CNTNAP5: variants seen among roughly 807,000 people sequenced by gnomAD.
CNTNAP5 encodes the protein contactin associated protein family member 5.
In CNTNAP5, 72 loss-of-function variants were observed where a neutral mutation model predicts 150.2. The observed-to-expected ratio is 0.48, with a 90% CI of 0.40 to 0.58. CNTNAP5 has a LOEUF of 0.58. Among genes scored for constraint, CNTNAP5 ranks in the 20% least tolerant of loss-of-function variants. The pLI, the probability that CNTNAP5 is intolerant of heterozygous loss-of-function variation, is 0.00. For missense variants in CNTNAP5, 1,636 were observed against 1,626.2 expected, an observed-to-expected ratio of 1.01 and a Z score of -0.10; for synonymous variants, 672 against 619.8, an observed-to-expected ratio of 1.08 and a Z score of -1.25.
chr2:124,097,399 A>C (rs1682960937), intron 1 of CNTNAP5, among the ~76,000 whole-genome samples: 1 of 152,192 alleles, frequency 6.6e-6, no homozygotes, highest in African/African-American at 2.4e-5. Context: ...TGATAGCATC[A>C]AGAAGTTTTT....
In CNTNAP5 at chr2:124,817,340, T is replaced by C. The variant is rs982281622; in HGVS notation, c.3217+19020T>C. Among the ~76,000 whole-genome samples, 20 of 152,270 alleles carry C rather than the reference T, an allele frequency of 1.3e-4. No individual in the cohort carries two copies. The South Asian group carries it at 2.9e-3, about 22-fold the overall frequency. On this transcript the variant is annotated intron_variant, in intron 19 of 23. Coordinates refer to ENST00000682447, the MANE Select transcript of CNTNAP5 (RefSeq NM_001367498.1). ...GATGCATTCCATTTGTAAAAGCATA[T>C]GGAGCATGGAGTATTATATTTATTT...
chr2:124,337,384 C>A (rs1689500013), intron 3 of CNTNAP5, among the ~76,000 whole-genome samples: 1 of 152,100 alleles, frequency 6.6e-6, no homozygotes, highest in Non-Finnish European at 1.5e-5. Flanking sequence ...TTAATTAGAT[C>A]CCATTTGTCA....
At chr2:124,621,301 T>C (rs1677610016) in intron 12 of CNTNAP5, among the ~76,000 whole-genome samples, 1 of 152,238 alleles carries the variant, frequency 6.6e-6, no homozygotes, top group South Asian at 2.1e-4. Context: ...GCCAATTTCA[T>C]GCATGTGGAT....
intron 1 of CNTNAP5, among the ~76,000 whole-genome samples, chr2:124,026,796 A>G (rs1047983130): frequency 3.3e-5 from 5 of 152,256 alleles, no homozygotes; most frequent in Non-Finnish European, 7.3e-5. Flanking sequence ...AATTTGCACT[A>G]TCATGGTTGG....
chr2:124,757,482 G>A (rs1048609334), intron 14 of CNTNAP5, among the ~76,000 whole-genome samples: 1 of 152,172 alleles, frequency 6.6e-6, no homozygotes, highest in African/African-American at 2.4e-5. Flanking sequence ...AGCTGCTGTC[G>A]GCAGGTGGGA....
At chr2:124,562,253 T>C (rs888421888) in intron 10 of CNTNAP5, among the ~76,000 whole-genome samples, 1 of 152,256 alleles carries the variant, frequency 6.6e-6, no homozygotes, top group African/African-American at 2.4e-5. Context: ...TTTTATTTTG[T>C]GGTGTTCATG....
chr2:124,051,331 C>T (rs2104642918), intron 1 of CNTNAP5, among the ~76,000 whole-genome samples: 1 of 152,240 alleles, frequency 6.6e-6, no homozygotes, highest in Non-Finnish European at 1.5e-5. Flanking sequence ...GACAGCATGG[C>T]CTGCTTATGA....
At chr2:124,384,281 G>T (rs1690876388) in intron 3 of CNTNAP5, among the ~76,000 whole-genome samples, 1 of 152,034 alleles carries the variant, frequency 6.6e-6, no homozygotes, top group South Asian at 2.1e-4. Context: ...CGGTCACATT[G>T]CACAACATTT....
At chr2:124,797,959 TG>T in intron 18 of CNTNAP5, 136 bp from the exon 19 acceptor site, 1 of 631,182 alleles carries the variant, frequency 1.6e-6, no homozygotes. Context: ...AAAATTATTG[TG>T]GGGAACATGT....
intron 19 of CNTNAP5, among the ~76,000 whole-genome samples, chr2:124,828,548 A>T (rs1426352650): frequency 6.6e-6 from 1 of 151,886 alleles, no homozygotes; most frequent in Non-Finnish European, 1.5e-5. Flanking sequence ...AACTAAAACC[A>T]TGCTTTGCCA....
At chr2:124,437,476 A>G (rs1276813967) in intron 5 of CNTNAP5, among the ~76,000 whole-genome samples, 2 of 152,176 alleles carry the variant, frequency 1.3e-5, no homozygotes, top group African/African-American at 4.8e-5. Flanking sequence ...AGCTACTATT[A>G]CCATCTCCAG....
At chr2:124,744,259 C>T (rs1385537824) in intron 13 of CNTNAP5, among the ~76,000 whole-genome samples, 1 of 152,024 alleles carries the variant, frequency 6.6e-6, no homozygotes, top group Non-Finnish European at 1.5e-5. Context: ...AAGGGGTTTA[C>T]CCTTTCACTT....
chr2:124,201,754 G>T (rs1273036378), intron 1 of CNTNAP5, among the ~76,000 whole-genome samples: 1 of 152,206 alleles, frequency 6.6e-6, no homozygotes, highest in African/African-American at 2.4e-5. Context: ...AAGAAGGAAA[G>T]CAGTATTTGA....
chr2:124,479,976 A>T (rs1485678452), intron 7 of CNTNAP5, among the ~76,000 whole-genome samples: 1 of 152,216 alleles, frequency 6.6e-6, no homozygotes, highest in Non-Finnish European at 1.5e-5. Context: ...AGCACCCAGT[A>T]GATTGGAGCT....
At chr2:124,286,145 G>A (rs1460631092) in intron 3 of CNTNAP5, among the ~76,000 whole-genome samples, 4 of 152,128 alleles carry the variant, frequency 2.6e-5, no homozygotes, top group African/African-American at 7.2e-5. Flanking sequence ...ACCAAAAGCC[G>A]GAAAGGTAAA....
At chr2:124,650,190 T>C (rs908814939) in intron 13 of CNTNAP5, among the ~76,000 whole-genome samples, 8 of 152,166 alleles carry the variant, frequency 5.3e-5, no homozygotes, top group African/African-American at 1.9e-4. Context: ...AGGAGAACAA[T>C]GGGTATGTAG....
intron 13 of CNTNAP5, among the ~76,000 whole-genome samples, chr2:124,655,978 AG>A (rs1349272723): frequency 6.7e-6 from 1 of 148,526 alleles, no homozygotes; most frequent in Non-Finnish European, 1.5e-5. Context: ...AAAGAAAGAA[AG>A]AAAGAAAGAA....
At chr2:124,369,469 G>T (rs892158618) in intron 3 of CNTNAP5, among the ~76,000 whole-genome samples, 3 of 152,100 alleles carry the variant, frequency 2.0e-5, no homozygotes, top group African/African-American at 4.8e-5. Context: ...ATCTTACTCA[G>T]ACCAATTAAA....
intron 19 of CNTNAP5, among the ~76,000 whole-genome samples, chr2:124,826,345 A>T (rs1326785635): frequency 2.6e-5 from 4 of 151,974 alleles, no homozygotes; most frequent in African/African-American, 7.2e-5. Flanking sequence ...TAGAGGTTCA[A>T]ATTTTGATTG....
Sources: allele counts gnomAD v4.1 joint callset (sites outside exome capture counted in the v4.1 genomes callset), GRCh38; gene constraint gnomAD v4.1.1; transcripts MANE v1.5; gene names NCBI Gene and HGNC (gene_info 2026-07-23, HGNC 2026-07-21).